ARMC2: variants seen among roughly 807,000 people sequenced by gnomAD.
ARMC2 encodes armadillo repeat containing 2, also known as armadillo repeat-containing protein 2.
A neutral mutation model predicts 90.3 loss-of-function variants in ARMC2; 67 were observed. That is an observed-to-expected ratio of 0.74 (90% CI 0.61 to 0.91). The LOEUF (loss-of-function observed/expected upper bound fraction) is 0.91. Ranked by LOEUF, ARMC2 falls within the 40% of genes least tolerant of loss-of-function variation. The pLI is 0.00. For missense variants in ARMC2, 920 were observed against 1,030.9 expected, an observed-to-expected ratio of 0.89 and a Z score of 1.47; for synonymous variants, 393 against 393.0, an observed-to-expected ratio of 1.00 and a Z score of 0.00.
chr6:108,951,566 A>G (rs1777180438), intron 12 of ARMC2, among the ~76,000 whole-genome samples: 1 of 152,244 alleles, frequency 6.6e-6, no homozygotes, highest in Non-Finnish European at 1.5e-5. Context: ...CTTCTCTGCC[A>G]GTGAGTGTCA....
chr6:108,945,981 C>A (rs1421376584), intron 12 of ARMC2, among the ~76,000 whole-genome samples: 1 of 152,268 alleles, frequency 6.6e-6, no homozygotes, highest in African/African-American at 2.4e-5. Flanking sequence ...GTCTTCCCAG[C>A]CCCTCTGCAG....
In ARMC2 at chr6:108,894,553, C is replaced by G. The variant is rs1242749047; in HGVS notation, c.748+10C>G. 6.3e-7 allele frequency: 1 copy of G among 1,587,104 alleles called. No homozygotes were observed. Among genetic ancestry groups the G allele is most frequent in the East Asian group, 2.3e-5 (1 of 42,968 alleles). On this transcript the variant is annotated intron_variant, in intron 6 of 17. Transcript: ENST00000392644. ...CTGCAAACCAAAGCAGGTGAGGGGT[C>G]CCCACACTCCTTCATCTACAGCATC...
the ARMC2 span, among the ~76,000 whole-genome samples, chr6:109,027,229 T>G: frequency 5.9e-5 from 9 of 151,790 alleles, no homozygotes; most frequent in Non-Finnish European, 1.2e-4. Flanking sequence ...TCCCAGCACT[T>G]TGGGTGGCCG....
chr6:109,021,152 T>G, the ARMC2 span, among the ~76,000 whole-genome samples: 1 of 152,068 alleles, frequency 6.6e-6, no homozygotes, highest in Non-Finnish European at 1.5e-5. Flanking sequence ...CCACCATGAC[T>G]GTCTTAATAT....
chr6:108,861,155 CCTT>C (rs1052791498), intron 3 of ARMC2, among the ~76,000 whole-genome samples: 5 of 152,200 alleles, frequency 3.3e-5, no homozygotes, highest in African/African-American at 9.7e-5. Flanking sequence ...TTTAGCCACT[CCTT>C]CCCTTCTACC....
downstream of ARMC2, among the ~76,000 whole-genome samples, chr6:108,976,641 G>A (rs145277219): frequency 2.1e-3 from 318 of 152,236 alleles, 3 homozygotes; most frequent in African/African-American, 7.2e-3. Context: ...CCATGAGCAT[G>A]GAATGTTTTT....
the ARMC2 span, among the ~76,000 whole-genome samples, chr6:109,013,067 G>A: frequency 6.7e-6 from 1 of 150,106 alleles, no homozygotes; most frequent in East Asian, 2.0e-4. Context: ...GATGAGCCAA[G>A]ATCGCACCAT....
At chr6:108,938,316 G>T (rs1281252953) in intron 12 of ARMC2, among the ~76,000 whole-genome samples, 2 of 151,808 alleles carry the variant, frequency 1.3e-5, no homozygotes. Flanking sequence ...TCTTTACCCA[G>T]CCAAAGACTT....
intron 15 of ARMC2, among the ~76,000 whole-genome samples, chr6:108,963,184 C>T (rs975353683): frequency 6.6e-6 from 1 of 152,078 alleles, no homozygotes; most frequent in Admixed American, 6.5e-5. Flanking sequence ...GTGGCAAGTA[C>T]CCACATGTTT....
intron 8 of ARMC2, among the ~76,000 whole-genome samples, chr6:108,906,181 T>C (rs1413649400): frequency 6.6e-6 from 1 of 152,008 alleles, no homozygotes; most frequent in Admixed American, 6.6e-5. Flanking sequence ...TATACAAAAA[T>C]ATATAAGCTT....
chr6:108,914,251 T>C (rs1428736403), intron 10 of ARMC2, among the ~76,000 whole-genome samples: 1 of 152,132 alleles, frequency 6.6e-6, no homozygotes, highest in Non-Finnish European at 1.5e-5. Flanking sequence ...ACCAAAAATA[T>C]ATCAAATCAA....
At chr6:109,001,650 G>A in the ARMC2 span, among the ~76,000 whole-genome samples, 1 of 152,106 alleles carries the variant, frequency 6.6e-6, no homozygotes, top group Non-Finnish European at 1.5e-5. Context: ...AGATACAGAA[G>A]AATAAACAGT....
intron 13 of ARMC2, 89 bp downstream of exon 13, chr6:108,953,440 T>A: frequency 7.5e-7 from 1 of 1,330,586 alleles, no homozygotes; most frequent in East Asian, 2.5e-5. Flanking sequence ...TGATGAGGAT[T>A]TTATTATCAC....
intron 6 of ARMC2, among the ~76,000 whole-genome samples, chr6:108,895,335 G>A (rs777333198): frequency 1.5e-4 from 22 of 151,146 alleles, no homozygotes; most frequent in Non-Finnish European, 2.9e-5. Context: ...AATTAGCTAC[G>A]CATGGTGGGA....
At chr6:108,905,310 A>G (rs1454712034) in intron 8 of ARMC2, among the ~76,000 whole-genome samples, 1 of 152,216 alleles carries the variant, frequency 6.6e-6, no homozygotes, top group Non-Finnish European at 1.5e-5. Context: ...CTGAGCATAT[A>G]TCTATGTAAT....
At chr6:108,994,631 T>C in the ARMC2 span, 5 of 1,595,794 alleles carry the variant, frequency 3.1e-6, no homozygotes, top group East Asian at 1.1e-4. Context: ...ATACAATTAA[T>C]GTTACATGTG....
At chr6:108,967,848 C>T (rs142147635) in intron 17 of ARMC2, among the ~76,000 whole-genome samples, 174 of 152,280 alleles carry the variant, frequency 1.1e-3, no homozygotes, top group Non-Finnish European at 2.2e-3. Context: ...GATTGTGCTT[C>T]TCCCGCCTCT....
chr6:109,033,837 C>G, the ARMC2 span, among the ~76,000 whole-genome samples: 340 of 152,284 alleles, frequency 2.2e-3, 2 homozygotes, highest in Middle Eastern at 6.8e-3. Flanking sequence ...AACAGTGCCT[C>G]TCATAATTGA....
intron 4 of ARMC2, among the ~76,000 whole-genome samples, chr6:108,870,235 T>A (rs1242051477): frequency 6.6e-6 from 1 of 152,110 alleles, no homozygotes; most frequent in African/African-American, 2.4e-5. Context: ...TATTTTTTTT[T>A]AATTCATTTC....
Sources: gnomAD v4.1 joint callset for allele counts (sites outside exome capture counted in the v4.1 genomes callset) on GRCh38, gnomAD v4.1.1 for gene constraint, MANE v1.5 for transcripts, NCBI Gene and HGNC (gene_info 2026-07-23, HGNC 2026-07-21) for gene names.